FAM98B: variants seen among roughly 807,000 people sequenced by gnomAD.
The protein encoded by FAM98B is tRNA-splicing ligase complex subunit FAM98B.
In FAM98B, 32 loss-of-function variants were observed where a neutral mutation model predicts 43.9. The observed-to-expected ratio is 0.73, with a 90% confidence interval of 0.55 to 0.98. The LOEUF (loss-of-function observed/expected upper bound fraction) is 0.98, where lower values mean the gene tolerates loss of function less well. Among genes scored for constraint, FAM98B ranks in the 50% least tolerant of loss-of-function variants. FAM98B has a pLI of 0.00. For synonymous variants in FAM98B, 190 were observed against 174.0 expected, an observed-to-expected ratio of 1.09 and a Z score of -0.72; for missense variants, 514 against 522.9, an observed-to-expected ratio of 0.98 and a Z score of 0.17.
intron 7 of FAM98B, chr15:38,483,706 T>A (rs1377985621): frequency 7.2e-6 from 1 of 138,156 alleles, no homozygotes; most frequent in Non-Finnish European, 1.5e-5. Flanking sequence ...TATATATATA[T>A]ATATACACTA....
intron 6 of FAM98B, among the ~76,000 whole-genome samples, 183 bp downstream of exon 6, chr15:38,474,481 T>A (rs578000598): frequency 6.6e-6 from 1 of 152,222 alleles, no homozygotes; most frequent in Admixed American, 6.5e-5. Context: ...GCATATAACT[T>A]AATTTCTCCC....
In FAM98B at chr15:38,481,043, G is replaced by A. The variant is rs111546743; in HGVS notation, c.730-249G>A. On this transcript the variant is annotated intron_variant, in intron 6 of 7. Transcript: ENST00000397609. ...TTTTTTAGGTATTTTTTGTTAATAT[G>A]TATAGAAATTTTTTTGTTATTATTT... Among the ~76,000 whole-genome samples the A allele has an allele frequency of 5.5e-3, 843 of 152,022 alleles. 4 individuals carry two copies. The highest frequency in any genetic ancestry group is 0.019 in the African/African-American group (806 of 41,490).
At chr15:38,474,373 T>G in intron 6 of FAM98B, 75 bp downstream of exon 6, 1 of 930,796 alleles carries the variant, frequency 1.1e-6, no homozygotes, top group Non-Finnish European at 1.7e-6. Context: ...GTCTGTTATG[T>G]AACCATGCCA....
At position 38,470,342 on chromosome 15, in the gene FAM98B, A is replaced by G. The variant is rs1890111133; in HGVS notation, c.468A>G (p.Thr156=). ...AGGAAGTTCAAGCTATGTTTGATAC[A>G]CTTGGTATACCCAAGTCAACAACTT... ...VYQEVQAMFD[T]LGIPKSTTSD... Residue 156 remains threonine (T), a synonymous_variant, in exon 4 of 8, where the codon ACA becomes ACG. Coordinates refer to ENST00000397609, the MANE Select transcript of FAM98B (RefSeq NM_173611.4). 2 of 1,606,788 alleles carry G rather than the reference A, an allele frequency of 1.2e-6. No individual in the cohort carries two copies. Among genetic ancestry groups the G allele is most frequent in the Non-Finnish European group, 8.5e-7 (1 of 1,178,140 alleles).
chr15:38,459,847 A>G (rs1403760974), intron 1 of FAM98B, among the ~76,000 whole-genome samples: 1 of 152,210 alleles, frequency 6.6e-6, no homozygotes. Context: ...AATCTTTCTG[A>G]GAAGAAATGG....
chr15:38,463,924 A>G, intron 1 of FAM98B, 108 bp from the exon 2 acceptor site: 1 of 1,073,514 alleles, frequency 9.3e-7, no homozygotes, highest in Non-Finnish European at 1.3e-6. Flanking sequence ...CTGTGTTCCA[A>G]TAACATTTTA....
chr15:38,470,095 T>C (rs1890100491), intron 3 of FAM98B, 132 bp from the exon 4 acceptor site: 1 of 752,238 alleles, frequency 1.3e-6, no homozygotes, highest in Admixed American at 3.6e-5. Flanking sequence ...TCTACAACTG[T>C]TGTTCTTTGG....
At chr15:38,481,153 A>C in intron 6 of FAM98B, 139 bp from the exon 7 acceptor site, 1 of 624,998 alleles carries the variant, frequency 1.6e-6, no homozygotes, top group Non-Finnish European at 2.8e-6. Flanking sequence ...AAATTCTCAG[A>C]TATTTGGGTG....
At position 38,484,287 on chromosome 15, in the gene FAM98B, C is replaced by A; in HGVS notation, c.930C>A (p.Gly310=). The A allele has an allele frequency of 6.5e-7, 1 of 1,549,434 alleles. No homozygotes were observed. ...TGGGAAGGGTGCCTGACAGGGGAGG[C>A]CGGCCGAATGAAATTGAACCACCAC... is the stretch of plus-strand genomic sequence containing the variant. The part of the protein sequence containing the change: ...VLMGRVPDRG[G]RPNEIEPPPP... Residue 310 remains glycine (G), a synonymous_variant, in exon 8 of 8, where the codon GGC becomes GGA. Transcript: ENST00000397609.
At chr15:38,460,076 C>T (rs1174634212) in intron 1 of FAM98B, among the ~76,000 whole-genome samples, 2 of 152,180 alleles carry the variant, frequency 1.3e-5, no homozygotes, top group Non-Finnish European at 2.9e-5. Flanking sequence ...CCCTAATGGA[C>T]TGAAGATTTG....
At chr15:38,460,981 A>G (rs1889937550) in intron 1 of FAM98B, among the ~76,000 whole-genome samples, 1 of 152,206 alleles carries the variant, frequency 6.6e-6, no homozygotes, top group Non-Finnish European at 1.5e-5. Context: ...TTTGATTGTT[A>G]CTAGATGGTC....
rs148556009 is a variant in FAM98B at position 38,484,839 on chromosome 15, A to G, written c.*180A>G. Reference sequence around the variant, plus strand: ...TTTTTTATTACCAGTTGATCTCTCAAATGAAGTGATGACTTTTTCCATATT... The same window carrying G: ...TTTTTTATTACCAGTTGATCTCTCAGATGAAGTGATGACTTTTTCCATATT... On this transcript the variant is annotated 3_prime_UTR_variant, in exon 8 of 8. Transcript: ENST00000397609. 5.8e-4 allele frequency: 558 copies of G among 959,588 alleles called. 1 individual carries two copies. The African/African-American group carries it at 8.6e-3, about 15-fold the overall frequency. 59.4% of individuals were successfully genotyped at this position (959,588 alleles called of 1,614,324 possible). A position where few individuals can be genotyped will look rare whatever the true frequency, so the allele number is the denominator to read the frequency against.
At chr15:38,474,429 C>A in intron 6 of FAM98B, 131 bp downstream of exon 6, 1 of 577,476 alleles carries the variant, frequency 1.7e-6, no homozygotes, top group Non-Finnish European at 3.1e-6. Context: ...AGGCCAACTA[C>A]TGGTCTTACA....
rs1056595151 is a variant in FAM98B, at chr15:38,487,669, A to G, written c.*3010A>G. 2 of 152,102 alleles carry G rather than the reference A, an allele frequency of 1.3e-5. No homozygotes were observed. The highest frequency in any genetic ancestry group is 2.4e-5 in the African/African-American group (1 of 41,452). 9.4% of individuals were successfully genotyped at this position (152,102 alleles called of 1,614,324 possible). ...CTATGTCTGATCATTCTAAATAATCATGACCACAAATAAATTGCCCTGAGT... is the reference window on the plus strand; with the variant it reads ...CTATGTCTGATCATTCTAAATAATCGTGACCACAAATAAATTGCCCTGAGT... On this transcript the variant is annotated 3_prime_UTR_variant, in exon 8 of 8. Coordinates refer to ENST00000397609, the MANE Select transcript of FAM98B (RefSeq NM_173611.4).
intron 3 of FAM98B, among the ~76,000 whole-genome samples, chr15:38,468,910 A>G (rs1890079863): frequency 3.3e-5 from 5 of 152,132 alleles, no homozygotes; most frequent in Non-Finnish European, 7.4e-5. Context: ...CAAAGTATTT[A>G]TTTATGTATT....
At chr15:38,461,065 G>A (rs143090704) in intron 1 of FAM98B, among the ~76,000 whole-genome samples, 2 of 151,912 alleles carry the variant, frequency 1.3e-5, no homozygotes, top group African/African-American at 4.8e-5. Context: ...ATTAAAGATT[G>A]GATTTTTTTT....
chr15:38,469,644 A>G (rs527742200), intron 3 of FAM98B, among the ~76,000 whole-genome samples: 1 of 152,366 alleles, frequency 6.6e-6, no homozygotes, highest in South Asian at 2.1e-4. Context: ...AGCAATCTAG[A>G]TCATTTAATA....
Position 38,474,251 on chromosome 15 carries a change from C to T in FAM98B, c.682C>T (p.Arg228Ter), listed in dbSNP as rs759380769. 5.0e-6 allele frequency: 8 copies of T among 1,613,690 alleles called. No individual in the cohort carries two copies. The highest frequency in any genetic ancestry group is 4.5e-5 in the East Asian group (2 of 44,858). Reference sequence around the variant, plus strand: ...GTGCCGCCGACGAATGTTAATGAAACGATTAGATGTGACTGTACAGTCCTT... The same window carrying T: ...GTGCCGCCGACGAATGTTAATGAAATGATTAGATGTGACTGTACAGTCCTT... ...YECRRRMLMKRLDVTVQSFGW... is the reference protein window; with the variant it reads ...YECRRRMLMK Residue 228 changes from arginine to a stop codon, truncating the protein, a stop_gained, in exon 6 of 8, where the codon CGA (arginine) becomes TGA (stop). Transcript: ENST00000397609. LOFTEE classifies it high-confidence loss of function.
rs1286283396 is a variant in FAM98B, at chr15:38,481,406, A to G, written c.844A>G (p.Ile282Val). ...LAAREDLSKI[I>V]RTSSGTSREK... ...TGCTCGTGAAGATCTATCCAAGATC[A>G]TTAGGACAAGTAGTGGCACCAGCCG... The change falls in exon 7 of 8, where the codon ATT (isoleucine) becomes GTT (valine). Residue 282 changes from isoleucine to valine, a missense_variant. Around this residue, in one of 2 missense-constraint regions of FAM98B, gnomAD observed 469 missense variants for 451.8 expected, o/e 1.04. Coordinates refer to ENST00000397609, the MANE Select transcript of FAM98B (RefSeq NM_173611.4). 3 of 1,614,238 alleles carry G rather than the reference A, an allele frequency of 1.9e-6. No homozygotes were observed. Among genetic ancestry groups the G allele is most frequent in the Non-Finnish European group, 2.5e-6 (3 of 1,180,036 alleles).
Sources: gnomAD v4.1 joint callset for allele counts (sites outside exome capture counted in the v4.1 genomes callset) on GRCh38, gnomAD v4.1.1 for gene constraint, gnomAD v4.1.1 regional missense constraint, MANE v1.5 for transcripts, NCBI Gene and HGNC (gene_info 2026-07-23, HGNC 2026-07-21) for gene names.